Variants in C6 observed in about 807,000 individuals in gnomAD.
The protein encoded by C6 is complement component C6.
Under a neutral mutation model 112.9 loss-of-function variants are expected in C6, and 101 were observed. The ratio of observed to expected loss-of-function variants is 0.89; its 90% CI spans 0.76 to 1.06. C6 has a LOEUF of 1.06. Among genes scored for constraint, C6 ranks in the 50% least tolerant of loss-of-function variants. The probability of loss-of-function intolerance (pLI) is 0.00; values close to 1 mark genes in which losing one functional copy is unlikely to be tolerated. For synonymous variants in C6, 431 were observed against 384.1 expected, an observed-to-expected ratio of 1.12 and a Z score of -1.43; for missense variants, 1,202 against 1,104.6, an observed-to-expected ratio of 1.09 and a Z score of -1.25.
chr5:41,163,798 A>C (rs2150279513), intron 9 of C6, among the ~76,000 whole-genome samples: 1 of 152,348 alleles, frequency 6.6e-6, no homozygotes, highest in African/African-American at 2.4e-5. Flanking sequence ...TCCTCAAAAA[A>C]TTTTAAAAAT....
Position 41,149,143 on chromosome 5 carries a change from A to G in C6, c.2623+98T>C, listed in dbSNP as rs1040000868. 2.8e-5 allele frequency: 40 copies of G among 1,424,254 alleles called. No individual in the cohort carries two copies. In the Admixed American group the frequency reaches 6.5e-4, roughly 23 times the overall value. The allele number at this position is 1,424,254 out of a possible 1,614,324, so 88.2% of individuals were successfully genotyped here. A position where few individuals can be genotyped will look rare whatever the true frequency, so the allele number is the denominator to read the frequency against. On this transcript the variant is annotated intron_variant, in intron 17 of 17. Transcript: ENST00000337836. Reference sequence around the variant, plus strand: ...ATTTTTTTTACAATGAAAAGGAATTATTTTTGATTAAGGATAGGTTATTTT... The same window carrying G: ...ATTTTTTTTACAATGAAAAGGAATTGTTTTTGATTAAGGATAGGTTATTTT...
intron 17 of C6, among the ~76,000 whole-genome samples, chr5:41,147,199 A>T (rs1249929187): frequency 1.3e-5 from 2 of 152,206 alleles, no homozygotes; most frequent in Admixed American, 1.3e-4. Context: ...TCTATCACAG[A>T]TTATTGTTTG....
intron 1 of C6, among the ~76,000 whole-genome samples, chr5:41,259,671 T>A (rs574960465): frequency 1.4e-4 from 22 of 152,340 alleles, no homozygotes; most frequent in African/African-American, 4.6e-4. Context: ...TGCTTATAAG[T>A]GGGCCTTAAC....
rs1278369735 is a variant in C6 at position 41,181,406 on chromosome 5, T to C, written c.880A>G (p.Asn294Asp). ...FYSSKRSENI[N>D]HNSAFKQAIQ... Reference sequence around the variant, plus strand: ...GCTTGTTTGAAGGCAGAATTATGGTTGATATTTTCACTTCTCTTTGAGGAA... The same window carrying C: ...GCTTGTTTGAAGGCAGAATTATGGTCGATATTTTCACTTCTCTTTGAGGAA... Residue 294 changes from asparagine to aspartate, a missense_variant, in exon 7 of 18, where the codon AAC (asparagine) becomes GAC (aspartate). Transcript: ENST00000337836. 1.2e-6 allele frequency: 2 copies of C among 1,613,838 alleles called. No homozygotes were observed. Among genetic ancestry groups the C allele is most frequent in the South Asian group, 1.1e-5 (1 of 91,076 alleles).
At chr5:41,211,996 T>C (rs1349286644) in intron 1 of C6, among the ~76,000 whole-genome samples, 1 of 152,170 alleles carries the variant, frequency 6.6e-6, no homozygotes, top group East Asian at 1.9e-4. Context: ...TGATCGCTCT[T>C]TAAGCTATAA....
chr5:41,248,987 AATC>A (rs1282827443), intron 1 of C6, among the ~76,000 whole-genome samples: 2 of 152,168 alleles, frequency 1.3e-5, no homozygotes, highest in Non-Finnish European at 2.9e-5. Flanking sequence ...AAAAGAACAA[AATC>A]ATGTTCTTTT....
intron 1 of C6, among the ~76,000 whole-genome samples, chr5:41,219,907 T>C (rs773847738): frequency 2.0e-5 from 3 of 152,226 alleles, no homozygotes; most frequent in Non-Finnish European, 4.4e-5. Flanking sequence ...TATTGAATCC[T>C]GCATGGGAAG....
Position 41,176,473 on chromosome 5 carries a change from A to T in C6, c.1168+2T>A. ...AAAAGAGTGAGGACTGAAGAAAGTT[A>T]CCTGAGTTCTTTAGTTCCTCACTGC... On this transcript the variant is annotated splice_donor_variant, in intron 8 of 17. Coordinates refer to ENST00000337836, the MANE Select transcript of C6 (RefSeq NM_000065.5). LOFTEE classifies it high-confidence loss of function. The T allele has an allele frequency of 6.2e-7, 1 of 1,613,080 alleles. No individual in the cohort carries two copies. Among genetic ancestry groups the T allele is most frequent in the Non-Finnish European group, 8.5e-7 (1 of 1,179,254 alleles).
At chr5:41,160,088 A>C in intron 11 of C6, 54 bp downstream of exon 11, 2 of 1,402,270 alleles carry the variant, frequency 1.4e-6, no homozygotes, top group Non-Finnish European at 2.0e-6. Context: ...CCAACTTAGA[A>C]TACTCTTTGG....
At chr5:41,191,168 G>A (rs917937748) in intron 5 of C6, among the ~76,000 whole-genome samples, 3 of 144,922 alleles carry the variant, frequency 2.1e-5, no homozygotes, top group Admixed American at 7.2e-5. Context: ...CCGGGTTCAA[G>A]CGATTCTCTT....
At chr5:41,259,700 T>G (rs761782808) in intron 1 of C6, among the ~76,000 whole-genome samples, 2 of 152,144 alleles carry the variant, frequency 1.3e-5, no homozygotes, top group African/African-American at 4.8e-5. Flanking sequence ...TAGGAAGAGG[T>G]TTCTGTTTCC....
intron 17 of C6, among the ~76,000 whole-genome samples, chr5:41,148,700 A>G (rs1029557956): frequency 6.6e-6 from 1 of 152,206 alleles, no homozygotes; most frequent in African/African-American, 2.4e-5. Flanking sequence ...AGAGAGCTGG[A>G]AAGTATAACA....
intron 1 of C6, among the ~76,000 whole-genome samples, chr5:41,206,647 G>T (rs1473834038): frequency 6.6e-6 from 1 of 152,166 alleles, no homozygotes; most frequent in African/African-American, 2.4e-5. Flanking sequence ...TCAAATGAAT[G>T]AAATGAAGTG....
chr5:41,205,763 T>A (rs1326615698), intron 1 of C6, among the ~76,000 whole-genome samples: 3 of 152,206 alleles, frequency 2.0e-5, no homozygotes, highest in African/African-American at 7.2e-5. Flanking sequence ...CAAGGAGGCC[T>A]GCCTGCCTCT....
chr5:41,222,041 C>G (rs1032394010), intron 1 of C6, among the ~76,000 whole-genome samples: 1 of 151,616 alleles, frequency 6.6e-6, no homozygotes, highest in Non-Finnish European at 1.5e-5. Flanking sequence ...TGGCGGGCAC[C>G]TGTAATCTCA....
chr5:41,208,392 G>A (rs1251934413), intron 1 of C6, among the ~76,000 whole-genome samples: 1 of 152,124 alleles, frequency 6.6e-6, no homozygotes, highest in South Asian at 2.1e-4. Flanking sequence ...GAAGGACATA[G>A]AAACACAAAA....
rs545743707 is a variant in C6, at chr5:41,153,915, C to T, written c.2185G>A (p.Glu729Lys). 13 of 1,613,720 alleles carry T rather than the reference C, an allele frequency of 8.1e-6. No homozygotes were observed. The South Asian group carries it at 1.3e-4, about 16-fold the overall frequency. Residue 729 changes from glutamate (E) to lysine (K), a missense_variant, in exon 15 of 18, where the codon GAG (glutamate) becomes AAG (lysine). By Grantham distance (56) the Glu-to-Lys change is moderately conservative (BLOSUM62 1). Coordinates refer to ENST00000337836, the MANE Select transcript of C6 (RefSeq NM_000065.5). ...QRLYRIGESI[E>K]LTCPKGFVVA... ...ACAAAGCCTTTGGGGCAAGTTAGCT[C>T]AATGGATTCACCAATTCTATACAAT...
Position 41,160,150 on chromosome 5 carries a change from T to C in C6, c.1676A>G (p.Tyr559Cys). 1.2e-6 allele frequency: 2 copies of C among 1,608,976 alleles called. No individual in the cohort carries two copies. Among genetic ancestry groups the C allele is most frequent in the Non-Finnish European group, 1.7e-6 (2 of 1,175,362 alleles). ...GENCEKQSPD[Y>C]KSNAVDGQWG... is the part of the protein sequence containing the mutation. Reference sequence around the variant, plus strand: ...AGATTCCTGATACTTACTGGATTTATAATCTGGAGACTGTTTCTCACAGTT... The same window carrying C: ...AGATTCCTGATACTTACTGGATTTACAATCTGGAGACTGTTTCTCACAGTT... The change falls in exon 11 of 18, where the codon TAT (tyrosine) becomes TGT (cysteine). Residue 559 changes from tyrosine (Y) to cysteine (C), a missense_variant. Tyr to Cys is a radical substitution (Grantham distance 194, BLOSUM62 -2). Transcript: ENST00000337836.
intron 5 of C6, among the ~76,000 whole-genome samples, chr5:41,194,986 G>A (rs892477823): frequency 4.6e-5 from 7 of 152,182 alleles, no homozygotes; most frequent in Admixed American, 1.3e-4. Context: ...AAAAGCCTGG[G>A]TTTTGAAGTC....
Sources: allele counts gnomAD v4.1 joint callset (sites outside exome capture counted in the v4.1 genomes callset), GRCh38; gene constraint gnomAD v4.1.1; transcripts MANE v1.5; gene names NCBI Gene and HGNC (gene_info 2026-07-23, HGNC 2026-07-21).